The following ANO2 variants were observed in gnomAD, a reference collection of about 807,000 sequenced individuals.
ANO2 encodes the protein anoctamin-2.
A neutral mutation model predicts 124.2 loss-of-function variants in ANO2; 101 were observed. That is an observed-to-expected ratio of 0.81 (90% CI 0.69 to 0.96). The LOEUF (loss-of-function observed/expected upper bound fraction) is 0.96. Ranked by LOEUF, ANO2 falls within the 40% of genes least tolerant of loss-of-function variation. ANO2 has a pLI of 0.00. For synonymous variants in ANO2, 486 were observed against 482.5 expected (o/e 1.01, Z -0.09); for missense variants, 1,293 against 1,274.5 (o/e 1.01, Z -0.22).
intron 14 of ANO2, among the ~76,000 whole-genome samples, chr12:5,671,717 AAC>A (rs1374258058): frequency 1.3e-5 from 2 of 152,204 alleles, no homozygotes; most frequent in African/African-American, 4.8e-5. Context: ...AGGGAAAAAT[AAC>A]ACAGTGCAAA....
intron 13 of ANO2, among the ~76,000 whole-genome samples, chr12:5,733,967 CTA>C (rs1283061471): frequency 1.3e-5 from 2 of 152,182 alleles, no homozygotes; most frequent in Non-Finnish European, 2.9e-5. Context: ...CTGTATTATT[CTA>C]TGTTTTGCAC....
intron 3 of ANO2, among the ~76,000 whole-genome samples, chr12:5,857,504 T>C (rs1955133907): frequency 6.6e-6 from 1 of 152,104 alleles, no homozygotes; most frequent in African/African-American, 2.4e-5. Flanking sequence ...TATGTGAGAG[T>C]TCCCTTTTCA....
At chr12:5,598,559 T>C in intron 20 of ANO2, among the ~76,000 whole-genome samples, 1 of 152,178 alleles carries the variant, frequency 6.6e-6, no homozygotes, top group Non-Finnish European at 1.5e-5. Context: ...TTTCACCATG[T>C]TGGCCAGACT....
At position 5,635,925 on chromosome 12, in the gene ANO2, G is replaced by A. The variant is rs1215188558; in HGVS notation, c.1621-578C>T. The stretch of plus-strand genomic sequence containing the variant: ...AAGCCATTGAAGGTACCTGAGCTGA[G>A]AAGGGATGAGTTACAGCTTGATAAG... On this transcript the variant is annotated intron_variant, in intron 15 of 24. Transcript: ENST00000682330. The surrounding 1 kb of genome is among the most constrained non-coding windows in gnomAD (Gnocchi z 5.2). 6.6e-6 allele frequency among the ~76,000 whole-genome samples: 1 copy of A among 152,194 alleles called. No individual in the cohort carries two copies. Among genetic ancestry groups the A allele is most frequent in the Non-Finnish European group, 1.5e-5 (1 of 68,024 alleles).
At chr12:5,907,732 C>T (rs1947843716) in intron 3 of ANO2, among the ~76,000 whole-genome samples, 1 of 152,204 alleles carries the variant, frequency 6.6e-6, no homozygotes, top group African/African-American at 2.4e-5. Flanking sequence ...AGTATTTCGC[C>T]CATGAACGGT....
chr12:5,906,030 C>T (rs1421082966), intron 3 of ANO2, among the ~76,000 whole-genome samples: 1 of 152,110 alleles, frequency 6.6e-6, no homozygotes, highest in Non-Finnish European at 1.5e-5. Context: ...TGTTTTCTTC[C>T]CAGACTGAGG....
At position 5,922,793 on chromosome 12, in the gene ANO2, G is replaced by A; in HGVS notation, c.34C>T (p.Leu12Phe). 1 of 1,523,172 alleles carries A rather than the reference G, an allele frequency of 6.6e-7. No individual in the cohort carries two copies. Among genetic ancestry groups the A allele is most frequent in the Non-Finnish European group, 8.8e-7 (1 of 1,136,852 alleles). 94.4% of individuals were successfully genotyped at this position (1,523,172 alleles called of 1,614,324 possible). A position where few individuals can be genotyped will look rare whatever the true frequency, so the allele number is the denominator to read the frequency against. ...ATPGPRDIPL[L>F]PGSPRRLSPQ... ...CTCAGCCGGCGTGGGGAGCCAGGGA[G>A]CAGGGGTATATCTGTGAGAGGGAAA... The change falls in exon 2 of 25, where the codon CTC becomes TTC. Residue 12 changes from leucine (L) to phenylalanine (F), a missense_variant. By Grantham distance (22) the Leu-to-Phe change is conservative. Transcript: ENST00000682330.
chr12:5,579,608 C>T (rs1294014247), intron 20 of ANO2, among the ~76,000 whole-genome samples: 2 of 152,170 alleles, frequency 1.3e-5, no homozygotes, highest in African/African-American at 4.8e-5. Context: ...ATCCAGCACA[C>T]AGCCCCTCTC....
chr12:5,749,511 G>A (rs543182650), intron 11 of ANO2, among the ~76,000 whole-genome samples: 1 of 152,328 alleles, frequency 6.6e-6, no homozygotes, highest in South Asian at 2.1e-4. Context: ...GTCAGAGGCA[G>A]GAGATAAATG....
rs1226914943 is a variant in ANO2 at position 5,563,530 on chromosome 12, C to A, written c.2766G>T (p.Met922Ile). 2 of 1,613,882 alleles carry A rather than the reference C, an allele frequency of 1.2e-6. No individual in the cohort carries two copies. Among genetic ancestry groups the A allele is most frequent in the South Asian group, 2.2e-5 (2 of 91,080 alleles). ...TGATGTCCGTGGGGATGTCTGGAATCATCCAGTCCACGAGGACGCTCAGGA... is the reference window on the plus strand; with the variant it reads ...TGATGTCCGTGGGGATGTCTGGAATAATCCAGTCCACGAGGACGCTCAGGA... The part of the protein sequence containing the change: ...VMFLSVLVDW[M>I]IPDIPTDISD... The change falls in exon 25 of 25, where the codon ATG (methionine) becomes ATT (isoleucine). Residue 922 changes from methionine to isoleucine, a missense_variant. Coordinates refer to ENST00000682330, the MANE Select transcript of ANO2 (RefSeq NM_001364791.2).
intron 9 of ANO2, among the ~76,000 whole-genome samples, chr12:5,804,559 G>A (rs1953134263): frequency 6.6e-6 from 1 of 152,086 alleles, no homozygotes; most frequent in Admixed American, 6.5e-5. Flanking sequence ...TTCCATCCTG[G>A]CTGGGCTCTC....
chr12:5,930,698 C>T (rs1232803022), intron 1 of ANO2, among the ~76,000 whole-genome samples: 1 of 152,124 alleles, frequency 6.6e-6, no homozygotes, highest in African/African-American at 2.4e-5. Context: ...ATGAATTGGA[C>T]CCAGGACAAC....
chr12:5,736,395 G>A (rs1950866427), intron 13 of ANO2, among the ~76,000 whole-genome samples: 1 of 152,156 alleles, frequency 6.6e-6, no homozygotes, highest in Non-Finnish European at 1.5e-5. Context: ...CCTTTCCCCT[G>A]GGAAGCAAGT....
rs1955294991 is a variant in ANO2, at chr12:5,862,333, T to C, written c.535-8192A>G. 6.6e-6 allele frequency among the ~76,000 whole-genome samples: 1 copy of C among 152,130 alleles called. No homozygotes were observed. The highest frequency in any genetic ancestry group is 1.5e-5 in the Non-Finnish European group (1 of 68,010). ...CCAGCAGCAAGACCCTTCCTTCTTATGGAAAAGACTTCACCTGGTTCCCAA... is the reference window on the plus strand; with the variant it reads ...CCAGCAGCAAGACCCTTCCTTCTTACGGAAAAGACTTCACCTGGTTCCCAA... On this transcript the variant is annotated intron_variant, in intron 3 of 24. Transcript: ENST00000682330. The surrounding 1 kb of genome is among the most constrained non-coding windows in gnomAD (Gnocchi z 4.0).
intron 3 of ANO2, among the ~76,000 whole-genome samples, chr12:5,869,672 C>T (rs997756271): frequency 3.9e-5 from 6 of 151,944 alleles, no homozygotes; most frequent in Admixed American, 1.3e-4. Flanking sequence ...ACTGAGGGGC[C>T]GGGGGAAAGA....
intron 7 of ANO2, among the ~76,000 whole-genome samples, chr12:5,812,961 A>AGAGG (rs796875502): frequency 6.9e-5 from 4 of 58,098 alleles, no homozygotes; most frequent in South Asian, 7.5e-4. Flanking sequence ...AAGAAGGAAG[A>AGAGG]GAGGGAGGGA....
At chr12:5,589,997 C>T (rs10849299) in intron 20 of ANO2, among the ~76,000 whole-genome samples, 27,912 of 151,466 alleles carry the variant, frequency 0.18, 3,159 homozygotes, top group East Asian at 0.34. Context: ...GAGGCAGTGG[C>T]GAGACGGTGG....
At chr12:5,857,073 GA>G (rs1481486978) in intron 3 of ANO2, among the ~76,000 whole-genome samples, 1 of 152,098 alleles carries the variant, frequency 6.6e-6, no homozygotes, top group Non-Finnish European at 1.5e-5. Flanking sequence ...TGTCTCCAAA[GA>G]AAAAAAGTAA....
At chr12:5,881,579 A>C (rs937162305) in intron 3 of ANO2, among the ~76,000 whole-genome samples, 2 of 152,202 alleles carry the variant, frequency 1.3e-5, no homozygotes, top group African/African-American at 4.8e-5. Context: ...GCCTTTAACC[A>C]ATCCTCTGGA....
Sources: gnomAD v4.1 joint callset for allele counts (sites outside exome capture counted in the v4.1 genomes callset) on GRCh38, gnomAD v4.1.1 for gene constraint, Gnocchi (gnomAD v3.1) non-coding constraint, MANE v1.5 for transcripts, NCBI Gene and HGNC (gene_info 2026-07-23, HGNC 2026-07-21) for gene names.